Variants in LRRC27 observed in about 807,000 individuals in gnomAD.
LRRC27 encodes leucine rich repeat containing 27, also known as leucine-rich repeat-containing protein 27.
Under a neutral mutation model 55.0 loss-of-function variants are expected in LRRC27, and 57 were observed. That is an observed-to-expected ratio of 1.04 (90% confidence interval 0.84 to 1.29). LRRC27 has a LOEUF of 1.29. Among genes scored for constraint, LRRC27 ranks in the 50% most tolerant of loss-of-function variants. The probability of loss-of-function intolerance (pLI) is 0.00; values close to 1 mark genes in which losing one functional copy is unlikely to be tolerated. For missense variants in LRRC27, 721 were observed against 651.5 expected, an observed-to-expected ratio of 1.11 and a Z score of -1.16; for synonymous variants, 278 against 251.9, an observed-to-expected ratio of 1.10 and a Z score of -0.98.
intron 1 of LRRC27, 149 bp from the exon 2 acceptor site, chr10:132,333,328 T>G: frequency 2.4e-6 from 1 of 425,388 alleles, no homozygotes; most frequent in Non-Finnish European, 4.1e-6. Flanking sequence ...TTTTTTTTTT[T>G]ACATGTTTAA....
Position 132,333,517 on chromosome 10 carries a change from G to T in LRRC27, c.-8G>T. 6.3e-7 allele frequency: 1 copy of T among 1,586,444 alleles called. No homozygotes were observed. Among genetic ancestry groups the T allele is most frequent in the Non-Finnish European group, 8.6e-7 (1 of 1,165,024 alleles). ...GGAGGATGAGCTGCTGTCCCTGGAA[G>T]AGAACGGATGGAGGGAAGCAGCTCC... is the stretch of plus-strand genomic sequence containing the variant. On this transcript the variant is annotated 5_prime_UTR_variant, in exon 2 of 11. Coordinates refer to ENST00000368614, the MANE Select transcript of LRRC27 (RefSeq NM_030626.3).
intron 10 of LRRC27, chr10:132,366,705 C>A: frequency 2.0e-6 from 1 of 499,980 alleles, no homozygotes; most frequent in African/African-American, 2.1e-5. Flanking sequence ...GAACACAGGT[C>A]AGGCTGGTGC....
chr10:132,362,150 T>C (rs1030201527), intron 9 of LRRC27, among the ~76,000 whole-genome samples: 1 of 152,022 alleles, frequency 6.6e-6, no homozygotes, highest in African/African-American at 2.4e-5. Flanking sequence ...AGAAGCTGTG[T>C]CAGGAAGCAC....
At chr10:132,337,143 A>G in intron 2 of LRRC27, 1 of 1,196,802 alleles carries the variant, frequency 8.4e-7, no homozygotes. Context: ...AGTCCCCCAG[A>G]CCAGACATGG....
At position 132,337,582 on chromosome 10, in the gene LRRC27, G is replaced by C. The variant is rs1187094275; in HGVS notation, c.228G>C (p.Arg76Ser). The change falls in exon 3 of 11, where the codon AGG (arginine) becomes AGC (serine). Residue 76 changes from arginine to serine, a missense_variant. Transcript: ENST00000368614. ...IPSLQQLHLQRNALCVIPQDF... is the reference protein window; with the variant it reads ...IPSLQQLHLQSNALCVIPQDF... ...CATGGAAGCAATTGCATCTGCAAAG[G>C]AATGCCCTGTGTGTGATTCCTCAAG... 2 of 1,614,152 alleles carry C rather than the reference G, an allele frequency of 1.2e-6. No homozygotes were observed. Among genetic ancestry groups the C allele is most frequent in the Non-Finnish European group, 1.7e-6 (2 of 1,180,024 alleles).
At chr10:132,373,017 G>C (rs548458420) in intron 10 of LRRC27, among the ~76,000 whole-genome samples, 2 of 152,204 alleles carry the variant, frequency 1.3e-5, no homozygotes, top group African/African-American at 4.8e-5. Context: ...GAATGGATGC[G>C]AACATTAGGG....
At chr10:132,353,773 C>A (rs967109953) in intron 7 of LRRC27, among the ~76,000 whole-genome samples, 3 of 152,178 alleles carry the variant, frequency 2.0e-5, no homozygotes, top group Non-Finnish European at 4.4e-5. Context: ...CACACTGTCC[C>A]TCGGGGTAGC....
At chr10:132,341,312 A>G (rs1437727751) in intron 3 of LRRC27, among the ~76,000 whole-genome samples, 2 of 152,264 alleles carry the variant, frequency 1.3e-5, no homozygotes, top group East Asian at 3.9e-4. Context: ...CGGAGGTTGC[A>G]GTGAGCAGAG....
At chr10:132,333,020 A>G (rs2066893163) in intron 1 of LRRC27, among the ~76,000 whole-genome samples, 1 of 152,216 alleles carries the variant, frequency 6.6e-6, no homozygotes, top group Non-Finnish European at 1.5e-5. Context: ...AGTTCTGGTC[A>G]CTGGGTCAAA....
intron 7 of LRRC27, among the ~76,000 whole-genome samples, chr10:132,354,182 C>T (rs1291688250): frequency 6.6e-6 from 1 of 152,240 alleles, no homozygotes; most frequent in Non-Finnish European, 1.5e-5. Context: ...CAGGCTCGGG[C>T]CTCGTCCCAC....
upstream of LRRC27, chr10:132,331,855 C>A (rs779258325): frequency 4.3e-6 from 6 of 1,409,806 alleles, no homozygotes; most frequent in Non-Finnish European, 5.8e-6. Flanking sequence ...CGGATGCTAC[C>A]GTTGGCCGCG....
At chr10:132,339,885 G>C (rs999633141) in intron 3 of LRRC27, among the ~76,000 whole-genome samples, 1 of 152,184 alleles carries the variant, frequency 6.6e-6, no homozygotes, top group East Asian at 1.9e-4. Context: ...GTCAAAGCTG[G>C]CTGCCTATGT....
chr10:132,333,357 T>A, intron 1 of LRRC27, 120 bp from the exon 2 acceptor site: 1 of 425,898 alleles, frequency 2.3e-6, no homozygotes. Flanking sequence ...TTTTTGCTAC[T>A]GCTTAGGAAA....
chr10:132,355,884 A>G lies in LRRC27; in HGVS notation c.1168A>G (p.Met390Val). 1 of 1,551,566 alleles carries G rather than the reference A, an allele frequency of 6.4e-7. No homozygotes were observed. The highest frequency in any genetic ancestry group is 8.7e-7 in the Non-Finnish European group (1 of 1,146,704). Residue 390 changes from methionine (M) to valine (V), a missense_variant and splice_region_variant, in exon 8 of 11, where the codon ATG (methionine) becomes GTG (valine). Met to Val is a conservative substitution (Grantham distance 21, BLOSUM62 1). Coordinates refer to ENST00000368614, the MANE Select transcript of LRRC27 (RefSeq NM_030626.3). ...LSKLLPPRRS[M>V]VASKIPSATD... ...CAAACTCCTGCCTCCGCGGAGGAGC[A>G]TGGTACGGCACGCGCGGGCGGTGAC...
At chr10:132,354,709 C>T (rs1190311789) in intron 7 of LRRC27, among the ~76,000 whole-genome samples, 3 of 152,206 alleles carry the variant, frequency 2.0e-5, no homozygotes, top group Non-Finnish European at 4.4e-5. Context: ...AGGGCTGAGC[C>T]GCTGTGACCG....
intron 10 of LRRC27, among the ~76,000 whole-genome samples, chr10:132,369,733 C>T (rs1022236909): frequency 2.6e-5 from 4 of 152,198 alleles, no homozygotes; most frequent in Non-Finnish European, 4.4e-5. Context: ...TGTCCATGTG[C>T]ACGCATCGAG....
chr10:132,368,438 C>T (rs989355150), intron 10 of LRRC27, among the ~76,000 whole-genome samples: 3 of 152,108 alleles, frequency 2.0e-5, no homozygotes, highest in Non-Finnish European at 2.9e-5. Flanking sequence ...TCTAAAGCTA[C>T]AATAACAGTG....
chr10:132,361,029 C>T (rs1348751001), intron 8 of LRRC27, among the ~76,000 whole-genome samples: 1 of 152,210 alleles, frequency 6.6e-6, no homozygotes, highest in Non-Finnish European at 1.5e-5. Context: ...AGTGTTGGGT[C>T]CTCCCAGGTC....
At chr10:132,331,858 T>G, upstream of LRRC27, 1 of 1,404,970 alleles carries the variant, frequency 7.1e-7, no homozygotes. Flanking sequence ...ATGCTACCGT[T>G]GGCCGCGTGC....
Sources: allele counts gnomAD v4.1 joint callset (sites outside exome capture counted in the v4.1 genomes callset), GRCh38; gene constraint gnomAD v4.1.1; transcripts MANE v1.5; gene names NCBI Gene and HGNC (gene_info 2026-07-23, HGNC 2026-07-21).